The following WWOX variants were observed in gnomAD, a reference collection of about 807,000 sequenced individuals.
WWOX encodes the protein WW domain containing oxidoreductase.
A neutral mutation model predicts 46.2 loss-of-function variants in WWOX; 69 were observed. That is an observed-to-expected ratio of 1.49 (90% CI 1.23 to 1.82). The LOEUF is 1.82. Ranked by LOEUF, WWOX falls within the 40% of genes most tolerant of loss-of-function variation. The probability of loss-of-function intolerance (pLI) is 0.00; values close to 1 mark genes in which losing one functional copy is unlikely to be tolerated. For missense variants in WWOX, 919 were observed against 542.6 expected, an observed-to-expected ratio of 1.69 and a Z score of -6.89; for synonymous variants, 359 against 202.6, an observed-to-expected ratio of 1.77 and a Z score of -6.56.
intron 8 of WWOX, among the ~76,000 whole-genome samples, chr16:78,823,971 C>G (rs1202986749): frequency 6.6e-6 from 1 of 151,896 alleles, no homozygotes; most frequent in Non-Finnish European, 1.5e-5. Flanking sequence ...ATGGGGTCTT[C>G]CTATGTTGCC....
At chr16:78,593,981 G>A (rs180760657) in intron 8 of WWOX, among the ~76,000 whole-genome samples, 1 of 152,262 alleles carries the variant, frequency 6.6e-6, no homozygotes, top group Non-Finnish European at 1.5e-5. Context: ...TCCAACTTGT[G>A]TAATTAGAAA....
intron 7 of WWOX, among the ~76,000 whole-genome samples, chr16:78,425,599 T>C (rs1343340886): frequency 6.6e-6 from 1 of 152,232 alleles, no homozygotes; most frequent in African/African-American, 2.4e-5. Context: ...GGCACTTTTT[T>C]CCTATTGCCA....
chr16:79,011,019 C>G (rs913202166), intron 8 of WWOX, among the ~76,000 whole-genome samples: 1 of 151,970 alleles, frequency 6.6e-6, no homozygotes, highest in Admixed American at 6.6e-5. Context: ...ACGATGATTT[C>G]TAACATCTCA....
At chr16:78,902,558 G>C (rs1486988576) in intron 8 of WWOX, among the ~76,000 whole-genome samples, 1 of 152,196 alleles carries the variant, frequency 6.6e-6, no homozygotes, top group Non-Finnish European at 1.5e-5. Context: ...GGGGGCCTAG[G>C]CCAAAGATAT....
At chr16:78,575,239 C>G (rs937109583) in intron 8 of WWOX, among the ~76,000 whole-genome samples, 3 of 147,362 alleles carry the variant, frequency 2.0e-5, no homozygotes, top group Admixed American at 1.4e-4. Context: ...GAGGTGAGGG[C>G]CAGACAACAC....
At chr16:78,595,060 G>A (rs1330651329) in intron 8 of WWOX, among the ~76,000 whole-genome samples, 3 of 152,196 alleles carry the variant, frequency 2.0e-5, no homozygotes, top group East Asian at 3.9e-4. Flanking sequence ...GAGGCTTGGG[G>A]ACCCCAGGGT....
chr16:78,182,176 G>T (rs926470990), intron 5 of WWOX, among the ~76,000 whole-genome samples: 1 of 152,190 alleles, frequency 6.6e-6, no homozygotes, highest in Non-Finnish European at 1.5e-5. Flanking sequence ...GTAACTTGGG[G>T]ATGATGACAG....
chr16:78,718,357 G>T (rs559969635), intron 8 of WWOX, among the ~76,000 whole-genome samples: 65 of 151,998 alleles, frequency 4.3e-4, no homozygotes, highest in African/African-American at 9.4e-4. Flanking sequence ...TTAAAAAAAC[G>T]ACTAGCTCAG....
chr16:78,807,110 T>G (rs2051061602), intron 8 of WWOX, among the ~76,000 whole-genome samples: 1 of 152,160 alleles, frequency 6.6e-6, no homozygotes. Flanking sequence ...GCTCAATAAG[T>G]CTTTGGTGGG....
At chr16:78,217,417 G>T (rs1567435149) in intron 5 of WWOX, among the ~76,000 whole-genome samples, 1 of 152,196 alleles carries the variant, frequency 6.6e-6, no homozygotes, top group Non-Finnish European at 1.5e-5. Context: ...TAGCCTTTGT[G>T]TGATGTGAGC....
chr16:78,456,323 G>C (rs1418477514), intron 8 of WWOX, among the ~76,000 whole-genome samples: 1 of 152,168 alleles, frequency 6.6e-6, no homozygotes, highest in African/African-American at 2.4e-5. Flanking sequence ...GTTGGGGGCT[G>C]AGAGGCAAGA....
chr16:78,141,801 T>C (rs2033997940), intron 4 of WWOX, among the ~76,000 whole-genome samples: 1 of 152,120 alleles, frequency 6.6e-6, no homozygotes. Context: ...TAAAGTAGTA[T>C]TGATTTCAGA....
chr16:79,181,738 A>G (rs567605069), intron 8 of WWOX, among the ~76,000 whole-genome samples: 1 of 152,248 alleles, frequency 6.6e-6, no homozygotes, highest in South Asian at 2.1e-4. Flanking sequence ...GAGTTCTAGA[A>G]GTGGAATTAC....
chr16:78,797,072 C>T (rs769097065), intron 8 of WWOX, among the ~76,000 whole-genome samples: 1 of 152,012 alleles, frequency 6.6e-6, no homozygotes, highest in African/African-American at 2.4e-5. Context: ...GTGATCCACC[C>T]ACCTCAGCCT....
intron 8 of WWOX, among the ~76,000 whole-genome samples, chr16:79,042,245 C>G (rs982517487): frequency 6.6e-6 from 1 of 152,152 alleles, no homozygotes; most frequent in Non-Finnish European, 1.5e-5. Context: ...TCTCTTACAC[C>G]CTCCCAAAAG....
intron 8 of WWOX, among the ~76,000 whole-genome samples, chr16:78,846,406 G>T (rs1384033265): frequency 1.3e-5 from 2 of 151,872 alleles, no homozygotes; most frequent in Admixed American, 6.6e-5. Flanking sequence ...AGTCCCCTCT[G>T]GTCTGGGACA....
At chr16:79,116,319 C>T (rs1481744469) in intron 8 of WWOX, among the ~76,000 whole-genome samples, 3 of 152,150 alleles carry the variant, frequency 2.0e-5, no homozygotes, top group Admixed American at 6.5e-5. Context: ...CATGCACTGC[C>T]GTTTGACATC....
At chr16:79,040,592 G>A (rs889741) in intron 8 of WWOX, among the ~76,000 whole-genome samples, 20,142 of 152,026 alleles carry the variant, frequency 0.13, 1,610 homozygotes, top group African/African-American at 0.23. Flanking sequence ...GATAATTTTT[G>A]TCATTTCTTT....
chr16:79,196,137 G>C (rs2051235246), intron 8 of WWOX, among the ~76,000 whole-genome samples: 1 of 152,234 alleles, frequency 6.6e-6, no homozygotes, highest in Non-Finnish European at 1.5e-5. Context: ...CAGAAGTGCA[G>C]TGTGAGCAAA....
Sources: gnomAD v4.1 joint callset for allele counts (sites outside exome capture counted in the v4.1 genomes callset) on GRCh38, gnomAD v4.1.1 for gene constraint, MANE v1.5 for transcripts, NCBI Gene and HGNC (gene_info 2026-07-23, HGNC 2026-07-21) for gene names.